Variants in WIPF1 observed in about 807,000 individuals in gnomAD.
WIPF1 encodes the protein WAS/WASL-interacting protein family member 1.
In WIPF1, 13 loss-of-function variants were observed where a neutral mutation model predicts 35.4. That is an observed-to-expected ratio of 0.37 (90% CI 0.24 to 0.58). The LOEUF (loss-of-function observed/expected upper bound fraction) is 0.58. Ranked by LOEUF, WIPF1 falls within the 20% of genes least tolerant of loss-of-function variation. The pLI, the probability that WIPF1 is intolerant of heterozygous loss-of-function variation, is 0.74. For synonymous variants in WIPF1, 267 were observed against 266.3 expected (o/e 1.00, Z -0.02); for missense variants, 591 against 667.0 (o/e 0.89, Z 1.25).
chr2:174,584,538 G>C (rs1233472030), intron 2 of WIPF1, among the ~76,000 whole-genome samples: 1 of 152,160 alleles, frequency 6.6e-6, no homozygotes, highest in Non-Finnish European at 1.5e-5. Flanking sequence ...AGCGTATCTT[G>C]GGGCCTTTCC....
Position 174,585,557 on chromosome 2 carries a change from G to T in WIPF1, c.17C>A (p.Pro6His), listed in dbSNP as rs1272643947. 3 of 1,611,820 alleles carry T rather than the reference G, an allele frequency of 1.9e-6. No homozygotes were observed. The highest frequency in any genetic ancestry group is 2.5e-6 in the Non-Finnish European group (3 of 1,179,156). MPVPP[P>H]PAPPPPPTFA... ...CGTCGGGGGCGGCGGGGGTGCTGGA[G>T]GGGGAGGGACAGGCATCTTGGGCAG... The change falls in exon 2 of 8, where the codon CCT becomes CAT. Residue 6 changes from proline to histidine, a missense_variant. Transcript: ENST00000679041.
chr2:174,647,604 C>T (rs907201480), intron 1 of WIPF1, among the ~76,000 whole-genome samples: 4 of 150,160 alleles, frequency 2.7e-5, no homozygotes, highest in African/African-American at 9.8e-5. Flanking sequence ...GAACTCCTGA[C>T]CTCGTGATCC....
upstream of WIPF1, among the ~76,000 whole-genome samples, chr2:174,599,606 G>C (rs77297087): frequency 5.1e-4 from 78 of 152,266 alleles, 2 homozygotes; most frequent in East Asian, 0.014. Flanking sequence ...CACTTCCCGC[G>C]ATACAAACCC....
At chr2:174,677,673 CTGAG>C (rs1217972844) in intron 1 of WIPF1, among the ~76,000 whole-genome samples, 7 of 152,172 alleles carry the variant, frequency 4.6e-5, no homozygotes, top group African/African-American at 1.4e-4. Flanking sequence ...TCTTCTTTTA[CTGAG>C]TATCAGCAAA....
chr2:174,645,004 T>C (rs973073065), intron 1 of WIPF1, among the ~76,000 whole-genome samples: 4 of 152,342 alleles, frequency 2.6e-5, no homozygotes, highest in African/African-American at 7.2e-5. Flanking sequence ...AAATTCCTTA[T>C]TTGATTTTTC....
intron 1 of WIPF1, among the ~76,000 whole-genome samples, chr2:174,625,287 C>T (rs747660837): frequency 3.3e-5 from 5 of 152,180 alleles, no homozygotes; most frequent in Non-Finnish European, 5.9e-5. Flanking sequence ...CTCATGAATC[C>T]CCTCACTTCG....
intron 1 of WIPF1, among the ~76,000 whole-genome samples, chr2:174,672,924 A>G (rs1383875713): frequency 1.3e-5 from 2 of 152,230 alleles, no homozygotes; most frequent in Admixed American, 6.5e-5. Flanking sequence ...GAGCTGGTCA[A>G]TATCAGGTCT....
chr2:174,682,260 G>A (rs958870277), intron 1 of WIPF1, among the ~76,000 whole-genome samples: 1 of 152,168 alleles, frequency 6.6e-6, no homozygotes, highest in African/African-American at 2.4e-5. Flanking sequence ...CCGGGAGGGA[G>A]GCGGGCTGGA....
Position 174,657,772 on chromosome 2 carries a change from T to C in WIPF1, c.-39+25002A>G, listed in dbSNP as rs1025829286. On this transcript the variant is annotated intron_variant, in intron 1 of 8. Coordinates refer to the WIPF1 transcript ENST00000272746. ...AAAAAAATAAAAAATTAGCTGGGCG[T>C]GGTGGTGCATGCCTGTAATTCCAGC... Among the ~76,000 whole-genome samples the C allele has an allele frequency of 3.3e-5, 5 of 151,646 alleles. No individual in the cohort carries two copies. The South Asian group carries it at 1.0e-3, about 32-fold the overall frequency.
chr2:174,593,108 G>C (rs765930266), intron 1 of WIPF1, among the ~76,000 whole-genome samples: 2 of 151,506 alleles, frequency 1.3e-5, no homozygotes, highest in Non-Finnish European at 2.9e-5. Context: ...ACCACTAAAG[G>C]AAGCACTGAA....
At chr2:174,605,395 G>A (rs771152846) in intron 1 of WIPF1, among the ~76,000 whole-genome samples, 3 of 152,124 alleles carry the variant, frequency 2.0e-5, no homozygotes, top group African/African-American at 7.2e-5. Context: ...CCGAGATTAC[G>A]CCACTGCATT....
At chr2:174,605,483 C>T (rs1483607803) in intron 1 of WIPF1, among the ~76,000 whole-genome samples, 1 of 152,002 alleles carries the variant, frequency 6.6e-6, no homozygotes, top group East Asian at 1.9e-4. Context: ...TTACTTGGAT[C>T]CTGAGTCAAA....
intron 1 of WIPF1, among the ~76,000 whole-genome samples, chr2:174,653,303 T>C (rs1252966689): frequency 6.6e-6 from 1 of 152,148 alleles, no homozygotes; most frequent in Non-Finnish European, 1.5e-5. Context: ...GGGCCTATCT[T>C]TGCTGACACT....
rs1684440392 is a variant in WIPF1 at position 174,559,883 on chromosome 2, A to G, written c.*2664T>C. 6.6e-6 allele frequency: 1 copy of G among 152,588 alleles called. No homozygotes were observed. Among genetic ancestry groups the G allele is most frequent in the Non-Finnish European group, 1.5e-5 (1 of 68,000 alleles). 9.5% of individuals were successfully genotyped at this position (152,588 alleles called of 1,614,324 possible). On this transcript the variant is annotated 3_prime_UTR_variant, in exon 8 of 8. Coordinates refer to ENST00000679041, the MANE Select transcript of WIPF1 (RefSeq NM_001375834.1). ...GTTTTTACAAATATGCAAATAATCT[A>G]CTACTTAGACATAAAAAAAAGTTGA...
chr2:174,676,879 G>A (rs142488932), intron 1 of WIPF1, among the ~76,000 whole-genome samples: 238 of 152,182 alleles, frequency 1.6e-3, no homozygotes, highest in Admixed American at 3.4e-3. Context: ...ATGTCACATT[G>A]TGGCCAGGTA....
intron 7 of WIPF1, 41 bp from the exon 8 acceptor site, chr2:174,562,643 G>A: frequency 6.2e-7 from 1 of 1,610,722 alleles, no homozygotes; most frequent in Non-Finnish European, 8.5e-7. Context: ...TGGTTAGAAA[G>A]CTGATGTTCT....
At chr2:174,584,362 T>C (rs1466071147) in intron 2 of WIPF1, among the ~76,000 whole-genome samples, 1 of 152,154 alleles carries the variant, frequency 6.6e-6, no homozygotes, top group Non-Finnish European at 1.5e-5. Flanking sequence ...TCACTAGGTT[T>C]CAACCTCAGA....
At chr2:174,636,794 G>A (rs1447189477) in intron 1 of WIPF1, among the ~76,000 whole-genome samples, 1 of 152,180 alleles carries the variant, frequency 6.6e-6, no homozygotes, top group African/African-American at 2.4e-5. Flanking sequence ...CTGGGGTTAT[G>A]GGTTATTTGG....
At chr2:174,582,021 C>G (rs1195519624) in intron 2 of WIPF1, among the ~76,000 whole-genome samples, 1 of 152,050 alleles carries the variant, frequency 6.6e-6, no homozygotes, top group East Asian at 1.9e-4. Flanking sequence ...TGAAATCACC[C>G]TTTTTAGTTA....
Sources: gnomAD v4.1 joint callset for allele counts (sites outside exome capture counted in the v4.1 genomes callset) on GRCh38, gnomAD v4.1.1 for gene constraint, MANE v1.5 for transcripts, NCBI Gene and HGNC (gene_info 2026-07-23, HGNC 2026-07-21) for gene names.